Variants in PHF21A observed in about 807,000 individuals in gnomAD.
PHF21A encodes the protein PHD finger protein 21A.
PHF21A carries 11 observed loss-of-function variants against 82.5 expected under a neutral mutation model. That is an observed-to-expected ratio of 0.13 (90% CI 0.08 to 0.22). PHF21A has a LOEUF of 0.22. Among genes scored for constraint, PHF21A ranks in the 10% least tolerant of loss-of-function variants. PHF21A has a pLI of 1.00. For missense variants in PHF21A, 579 were observed against 837.8 expected, an observed-to-expected ratio of 0.69 and a Z score of 3.81; for synonymous variants, 297 against 302.8, an observed-to-expected ratio of 0.98 and a Z score of 0.20.
intron 6 of PHF21A, among the ~76,000 whole-genome samples, chr11:45,996,982 T>C (rs1348762777): frequency 1.3e-5 from 2 of 152,212 alleles, no homozygotes; most frequent in Non-Finnish European, 2.9e-5. Flanking sequence ...AATTAAAGTA[T>C]AGGAACTCAA....
intron 6 of PHF21A, 104 bp downstream of exon 6, chr11:46,076,650 T>C: frequency 1.1e-6 from 1 of 879,896 alleles, no homozygotes; most frequent in Non-Finnish European, 1.8e-6. Context: ...TGCCCACACT[T>C]ATTTTCACAC....
chr11:46,030,024 T>G (rs1168051455), intron 6 of PHF21A, among the ~76,000 whole-genome samples: 1 of 152,230 alleles, frequency 6.6e-6, no homozygotes, highest in Non-Finnish European at 1.5e-5. Context: ...ACTAAGTGTA[T>G]TACGCTCTGT....
chr11:45,972,846 G>A (rs1454436742), intron 7 of PHF21A, among the ~76,000 whole-genome samples: 6 of 151,012 alleles, frequency 4.0e-5, no homozygotes, highest in Admixed American at 6.6e-5. Context: ...CCCGGGAGGC[G>A]GAGGTTGCAG....
intron 1 of PHF21A, among the ~76,000 whole-genome samples, chr11:46,108,588 A>T (rs75156306): frequency 0.16 from 18,866 of 117,846 alleles, 1,258 homozygotes; most frequent in African/African-American, 0.2. Flanking sequence ...TATATATATA[A>T]AATACATATG....
chr11:46,026,050 C>T (rs929081041), intron 6 of PHF21A, among the ~76,000 whole-genome samples: 2 of 152,096 alleles, frequency 1.3e-5, no homozygotes, highest in African/African-American at 4.8e-5. Flanking sequence ...TCAGATCATG[C>T]CAAGTTATCT....
intron 1 of PHF21A, among the ~76,000 whole-genome samples, chr11:46,112,399 C>G (rs1010048457): frequency 6.6e-6 from 1 of 152,160 alleles, no homozygotes; most frequent in Non-Finnish European, 1.5e-5. Flanking sequence ...TTACTGAGCC[C>G]TTATTATGTG....
rs1565874539 is a variant in PHF21A at position 46,076,739 on chromosome 11, C to T, written c.153+15G>A. On this transcript the variant is annotated intron_variant, in intron 6 of 18. Coordinates refer to ENST00000676320, the MANE Select transcript of PHF21A (RefSeq NM_001352027.3). ...CACAACGTTAAAAATATGCCCCCCT[C>T]CCCTTTTCCCCTACCTGTTTCTCAC... 6.2e-7 allele frequency: 1 copy of T among 1,602,918 alleles called. No individual in the cohort carries two copies. The highest frequency in any genetic ancestry group is 2.2e-5 in the East Asian group (1 of 44,762).
chr11:46,104,336 T>C (rs548675416), intron 1 of PHF21A, among the ~76,000 whole-genome samples: 1 of 152,320 alleles, frequency 6.6e-6, no homozygotes, highest in Admixed American at 6.5e-5. Flanking sequence ...AGTCTACTAC[T>C]GACTTGATTC....
intron 1 of PHF21A, chr11:46,119,950 CCCGCTCGGGGTCCCGGGGGCGCCCCGCGG>C (rs1852620982): frequency 6.8e-6 from 1 of 146,512 alleles, no homozygotes; most frequent in Non-Finnish European, 1.5e-5. Flanking sequence ...TCCGCCCCGG[CCCGCTCGGGGTCCCGGGGGCGCCCCGCGG>C]CCGCCGGCGG....
chr11:45,950,197 T>A lies in PHF21A; in HGVS notation c.1147+9A>T. Reference sequence around the variant, plus strand: ...AAAAAAAGGCAGTGCCAAGAATATCTTCTCTTACCTTCTAGATGGTCATGT... The same window carrying A: ...AAAAAAAGGCAGTGCCAAGAATATCATCTCTTACCTTCTAGATGGTCATGT... On this transcript the variant is annotated intron_variant, in intron 12 of 18. Coordinates refer to ENST00000676320, the MANE Select transcript of PHF21A (RefSeq NM_001352027.3). 1 of 1,592,762 alleles carries A rather than the reference T, an allele frequency of 6.3e-7. No individual in the cohort carries two copies. The highest frequency in any genetic ancestry group is 1.1e-5 in the South Asian group (1 of 88,134).
At chr11:45,985,349 T>C (rs1462894168) in intron 6 of PHF21A, among the ~76,000 whole-genome samples, 1 of 152,178 alleles carries the variant, frequency 6.6e-6, no homozygotes, top group Admixed American at 6.5e-5. Context: ...AATTACAATC[T>C]AGAGTAAAAT....
intron 6 of PHF21A, among the ~76,000 whole-genome samples, chr11:45,988,269 T>C (rs2094562874): frequency 6.6e-6 from 1 of 152,046 alleles, no homozygotes; most frequent in South Asian, 2.1e-4. Flanking sequence ...CACTAAGAAA[T>C]AGATCCATTA....
intron 15 of PHF21A, among the ~76,000 whole-genome samples, chr11:45,941,486 A>C (rs920693562): frequency 6.6e-5 from 10 of 152,228 alleles, no homozygotes; most frequent in African/African-American, 2.4e-4. Context: ...TGAGAGAATG[A>C]GAATGAAAAT....
At chr11:46,103,423 AC>A (rs2097121062) in intron 1 of PHF21A, among the ~76,000 whole-genome samples, 1 of 152,182 alleles carries the variant, frequency 6.6e-6, no homozygotes. Context: ...TAACTATACA[AC>A]CCATTATAAA....
chr11:46,050,863 C>A (rs1362090358), intron 6 of PHF21A, among the ~76,000 whole-genome samples: 1 of 152,072 alleles, frequency 6.6e-6, no homozygotes, highest in African/African-American at 2.4e-5. Context: ...TGGCATACAC[C>A]CCTCTCTACT....
At chr11:46,015,261 T>G (rs1370347552) in intron 6 of PHF21A, among the ~76,000 whole-genome samples, 1 of 152,164 alleles carries the variant, frequency 6.6e-6, no homozygotes, top group African/African-American at 2.4e-5. Flanking sequence ...GTTGGCTACA[T>G]AGACTGCAAA....
chr11:45,998,164 T>C (rs762696470), intron 6 of PHF21A, among the ~76,000 whole-genome samples: 5 of 152,222 alleles, frequency 3.3e-5, no homozygotes, highest in Admixed American at 1.3e-4. Flanking sequence ...GTTTTAAAGA[T>C]TGGTAACTTA....
In PHF21A at chr11:46,114,912, T is replaced by A. The variant is rs536471708; in HGVS notation, c.-237+6023A>T. Among the ~76,000 whole-genome samples the A allele has an allele frequency of 2.6e-5, 4 of 152,290 alleles. No homozygotes were observed. The East Asian group carries it at 7.7e-4, about 29-fold the overall frequency. On this transcript the variant is annotated intron_variant, in intron 1 of 18. Transcript: ENST00000676320. ...CATCTTTTTGGCTTCTGTGTTTAAG[T>A]TATTTTTCCCCTAGGCCCACAAACA...
intron 6 of PHF21A, among the ~76,000 whole-genome samples, chr11:46,013,491 C>A (rs567398668): frequency 6.6e-6 from 1 of 152,238 alleles, no homozygotes; most frequent in South Asian, 2.1e-4. Context: ...GTAACTAAAG[C>A]CACAGAAATG....
Sources: gnomAD v4.1 joint callset for allele counts (sites outside exome capture counted in the v4.1 genomes callset) on GRCh38, gnomAD v4.1.1 for gene constraint, MANE v1.5 for transcripts, NCBI Gene and HGNC (gene_info 2026-07-23, HGNC 2026-07-21) for gene names.